The following RMDN2 variants were observed in gnomAD, a reference collection of about 807,000 sequenced individuals.
The protein encoded by RMDN2 is regulator of microtubule dynamics protein 2.
Under a neutral mutation model 52.8 loss-of-function variants are expected in RMDN2, and 61 were observed. That is an observed-to-expected ratio of 1.16 (90% confidence interval 0.94 to 1.43). The LOEUF (loss-of-function observed/expected upper bound fraction) is 1.43, where lower values mean the gene tolerates loss of function less well. Among genes scored for constraint, RMDN2 ranks in the 40% most tolerant of loss-of-function variants. RMDN2 has a pLI of 0.00. For synonymous variants in RMDN2, 180 were observed against 153.1 expected, an observed-to-expected ratio of 1.18 and a Z score of -1.30; for missense variants, 592 against 475.3, an observed-to-expected ratio of 1.25 and a Z score of -2.28.
chr2:37,986,154 G>A (rs1182515268), intron 5 of RMDN2, among the ~76,000 whole-genome samples: 1 of 152,146 alleles, frequency 6.6e-6, no homozygotes, highest in Non-Finnish European at 1.5e-5. Flanking sequence ...AGTTTGGGGA[G>A]GTAGTCATAT....
rs1672086829 is a variant in RMDN2, at chr2:37,973,676, G to A, written c.453-364G>A. On this transcript the variant is annotated intron_variant, in intron 2 of 10. Transcript: ENST00000354545. ...GAAAATGAAATTGGAGCAGAGACTT[G>A]AAGGAGGTGAGGGCGTGAGTTATGT... Among the ~76,000 whole-genome samples, 4 of 152,142 alleles carry A rather than the reference G, an allele frequency of 2.6e-5. No homozygotes were observed. The South Asian group carries it at 8.3e-4, about 32-fold the overall frequency.
chr2:38,014,795 A>T (rs1678514451), intron 10 of RMDN2, among the ~76,000 whole-genome samples: 1 of 152,194 alleles, frequency 6.6e-6, no homozygotes, highest in Non-Finnish European at 1.5e-5. Flanking sequence ...GAGGCTTGTG[A>T]TACAAAGAGA....
chr2:38,064,431 A>G (rs1197407072), intron 10 of RMDN2, among the ~76,000 whole-genome samples: 1 of 144,446 alleles, frequency 6.9e-6, no homozygotes, highest in Admixed American at 6.9e-5. Context: ...CGGAGGTTGC[A>G]GTGAGCTGAG....
At chr2:37,938,786 C>A (rs1393951867) in intron 2 of RMDN2, among the ~76,000 whole-genome samples, 1 of 152,106 alleles carries the variant, frequency 6.6e-6, no homozygotes, top group Non-Finnish European at 1.5e-5. Context: ...AGTCTTCTCT[C>A]CTTTCTTCTT....
intron 10 of RMDN2, chr2:38,036,442 T>C (rs1341398090): frequency 1.3e-5 from 2 of 152,224 alleles, no homozygotes; most frequent in Non-Finnish European, 2.9e-5. Flanking sequence ...CCTTTTATGT[T>C]CCGGAGTCCT....
At chr2:38,025,583 T>A (rs1679720742) in intron 10 of RMDN2, among the ~76,000 whole-genome samples, 1 of 152,140 alleles carries the variant, frequency 6.6e-6, no homozygotes, top group African/African-American at 2.4e-5. Flanking sequence ...TTTTTGCCAT[T>A]GATCACAATG....
downstream of RMDN2, among the ~76,000 whole-genome samples, chr2:38,022,097 A>G (rs1679427048): frequency 6.6e-6 from 1 of 152,192 alleles, no homozygotes; most frequent in South Asian, 2.1e-4. Flanking sequence ...AACACGGCTT[A>G]TTTCGACTCC....
rs758704817 is a variant in RMDN2, at chr2:37,981,389, C to G, written c.791+46C>G. The stretch of plus-strand genomic sequence containing the variant: ...CAGTCTTTTAAATTCTAACCTGCCT[C>G]TTTATAAATTAAATGGATTTTTCAA... On this transcript the variant is annotated intron_variant, in intron 5 of 10. Coordinates refer to ENST00000354545, the MANE Select transcript of RMDN2 (RefSeq NM_001170791.3). 1.9e-5 allele frequency: 24 copies of G among 1,232,862 alleles called. No individual in the cohort carries two copies. The East Asian group carries it at 5.3e-4, about 27-fold the overall frequency. 76.4% of individuals were successfully genotyped at this position (1,232,862 alleles called of 1,614,324 possible). A position where few individuals can be genotyped will look rare whatever the true frequency, so the allele number is the denominator to read the frequency against.
intron 1 of RMDN2, among the ~76,000 whole-genome samples, chr2:37,925,945 C>G (rs1482624388): frequency 6.6e-6 from 1 of 152,096 alleles, no homozygotes; most frequent in East Asian, 1.9e-4. Flanking sequence ...CACTTGGGAG[C>G]CCTAAATTTA....
intron 10 of RMDN2, among the ~76,000 whole-genome samples, chr2:38,061,314 G>A (rs1378230962): frequency 6.6e-6 from 1 of 152,116 alleles, no homozygotes; most frequent in East Asian, 1.9e-4. Flanking sequence ...CAATGGCAGG[G>A]AACGGTCTGG....
intron 2 of RMDN2, among the ~76,000 whole-genome samples, chr2:37,961,278 A>T (rs1212046663): frequency 4.6e-5 from 7 of 152,162 alleles, no homozygotes; most frequent in African/African-American, 1.7e-4. Flanking sequence ...TATCCTGAAG[A>T]GTGTTTTCCA....
At chr2:38,060,985 A>G (rs985435255) in intron 10 of RMDN2, among the ~76,000 whole-genome samples, 1 of 152,224 alleles carries the variant, frequency 6.6e-6, no homozygotes, top group Non-Finnish European at 1.5e-5. Flanking sequence ...TTCCAGGAGA[A>G]GTTCCATTAA....
At chr2:37,991,677 C>T (rs1192506020) in intron 7 of RMDN2, among the ~76,000 whole-genome samples, 1 of 152,114 alleles carries the variant, frequency 6.6e-6, no homozygotes, top group Non-Finnish European at 1.5e-5. Context: ...ACACACACAC[C>T]CTGTGTCTAG....
intron 2 of RMDN2, among the ~76,000 whole-genome samples, chr2:37,971,827 G>A (rs574297690): frequency 1.3e-5 from 2 of 152,116 alleles, no homozygotes; most frequent in Admixed American, 1.3e-4. Context: ...TGGCTGTCCT[G>A]GGCTCTTTGC....
intron 10 of RMDN2, among the ~76,000 whole-genome samples, chr2:38,050,825 C>A (rs1457864428): frequency 6.6e-6 from 1 of 152,218 alleles, no homozygotes; most frequent in East Asian, 1.9e-4. Context: ...GTGGCACGAT[C>A]TCAGCTCACT....
intron 2 of RMDN2, among the ~76,000 whole-genome samples, chr2:37,933,421 G>A (rs374737136): frequency 3.1e-4 from 47 of 152,332 alleles, no homozygotes; most frequent in African/African-American, 1.1e-3. Context: ...CAAGGCAGGC[G>A]GCTGGGAGGT....
At position 37,997,419 on chromosome 2, in the gene RMDN2, T is replaced by C; in HGVS notation, c.949T>C (p.Ser317Pro). The change falls in exon 8 of 11, where the codon TCA (serine) becomes CCA (proline). Residue 317 changes from serine to proline, a missense_variant. Transcript: ENST00000354545. Reference protein sequence around the residue: ...YLKGRYCYTVSKLSWIEKKMA... With the variant: ...YLKGRYCYTVPKLSWIEKKMA... ...TGATGTTGTTGTGTATTTGCAGGTC[T>C]CAAAACTGAGCTGGATTGAGAAAAA... The C allele has an allele frequency of 1.2e-6, 2 of 1,610,242 alleles. No individual in the cohort carries two copies. The highest frequency in any genetic ancestry group is 8.5e-7 in the Non-Finnish European group (1 of 1,176,492).
At chr2:37,954,842 GTCTT>G (rs1000190766) in intron 2 of RMDN2, among the ~76,000 whole-genome samples, 2 of 152,038 alleles carry the variant, frequency 1.3e-5, no homozygotes, top group Non-Finnish European at 2.9e-5. Flanking sequence ...AACATGGCAT[GTCTT>G]TCTATTTGTA....
intron 10 of RMDN2, among the ~76,000 whole-genome samples, chr2:38,052,176 A>G (rs336023): frequency 9.6e-4 from 146 of 152,296 alleles, no homozygotes; most frequent in African/African-American, 3.4e-3. Context: ...CCTCCCCAGC[A>G]TCTGTTACTT....
Sources: allele counts gnomAD v4.1 joint callset (sites outside exome capture counted in the v4.1 genomes callset), GRCh38; gene constraint gnomAD v4.1.1; transcripts MANE v1.5; gene names NCBI Gene and HGNC (gene_info 2026-07-23, HGNC 2026-07-21).